Variants in PRKAR2A observed in about 807,000 individuals in gnomAD.
PRKAR2A encodes the protein protein kinase cAMP-dependent type II regulatory subunit alpha, also known as cAMP-dependent protein kinase type II-alpha regulatory subunit.
A neutral mutation model predicts 51.9 loss-of-function variants in PRKAR2A; 29 were observed. The observed-to-expected ratio is 0.56, with a 90% CI of 0.42 to 0.76. The LOEUF (loss-of-function observed/expected upper bound fraction) is 0.76. PRKAR2A is among the 30% of genes least tolerant of loss of function. The pLI is 0.00. For missense variants in PRKAR2A, 445 were observed against 512.1 expected, an observed-to-expected ratio of 0.87 and a Z score of 1.26; for synonymous variants, 178 against 186.2, an observed-to-expected ratio of 0.96 and a Z score of 0.36.
intron 2 of PRKAR2A, among the ~76,000 whole-genome samples, chr3:48,805,935 A>AC (rs1201465636): frequency 6.6e-6 from 1 of 152,170 alleles, no homozygotes; most frequent in African/African-American, 2.4e-5. Flanking sequence ...ACAAACTAAC[A>AC]CCAACTGTGA....
chr3:48,805,598 G>C (rs2082666633), intron 2 of PRKAR2A, among the ~76,000 whole-genome samples: 1 of 152,010 alleles, frequency 6.6e-6, no homozygotes, highest in South Asian at 2.1e-4. Flanking sequence ...TGTAAATTGG[G>C]GATAATCATG....
chr3:48,802,870 T>G (rs1052615563), intron 2 of PRKAR2A, among the ~76,000 whole-genome samples: 1 of 152,112 alleles, frequency 6.6e-6, no homozygotes, highest in Non-Finnish European at 1.5e-5. Context: ...AAGAATTGAG[T>G]TAAAAGATCA....
chr3:48,769,102 AAAC>A (rs1205157858), intron 6 of PRKAR2A, among the ~76,000 whole-genome samples: 34 of 151,882 alleles, frequency 2.2e-4, no homozygotes, highest in Admixed American at 1.1e-3. Context: ...TCCATCTCAA[AAAC>A]AACAACAACA....
chr3:48,803,469 G>A (rs1241537190), intron 2 of PRKAR2A, among the ~76,000 whole-genome samples: 1 of 152,150 alleles, frequency 6.6e-6, no homozygotes, highest in Admixed American at 6.5e-5. Flanking sequence ...TTGTCACCCA[G>A]GCTGGAGTGC....
chr3:48,804,769 TGGA>T (rs2082647954), intron 2 of PRKAR2A, among the ~76,000 whole-genome samples: 1 of 152,058 alleles, frequency 6.6e-6, no homozygotes, highest in African/African-American at 2.4e-5. Flanking sequence ...ACAAGATCCT[TGGA>T]GGAGAGGAGG....
intron 2 of PRKAR2A, among the ~76,000 whole-genome samples, chr3:48,798,489 T>C (rs2082533577): frequency 6.6e-6 from 1 of 152,142 alleles, no homozygotes; most frequent in Non-Finnish European, 1.5e-5. Context: ...GCTTCAGAAA[T>C]ATTCTCATAT....
Position 48,827,130 on chromosome 3 carries a change from A to G in PRKAR2A, c.263-19446T>C, listed in dbSNP as rs143072628. On this transcript the variant is annotated intron_variant, in intron 1 of 10. Transcript: ENST00000265563. ...AATTCTCTGATGATGGCTACAAAAA[A>G]AGCCCTGGAGTACCGCCAACAACAT... is the stretch of plus-strand genomic sequence containing the variant. Among the ~76,000 whole-genome samples, 791 of 152,218 alleles carry G rather than the reference A, an allele frequency of 5.2e-3. 10 individuals are homozygous for G. The highest frequency in any genetic ancestry group is 0.018 in the African/African-American group (754 of 41,524).
At chr3:48,787,536 T>C (rs906204946) in intron 4 of PRKAR2A, among the ~76,000 whole-genome samples, 1 of 152,168 alleles carries the variant, frequency 6.6e-6, no homozygotes, top group African/African-American at 2.4e-5. Flanking sequence ...CTAAGAAAAC[T>C]GTTAGATTGA....
At chr3:48,763,714 C>T (rs993514054) in intron 8 of PRKAR2A, among the ~76,000 whole-genome samples, 3 of 152,150 alleles carry the variant, frequency 2.0e-5, no homozygotes, top group Non-Finnish European at 4.4e-5. Context: ...TTAAGCCCAT[C>T]TCAAATGGCA....
chr3:48,841,720 C>T (rs75411336), intron 1 of PRKAR2A, among the ~76,000 whole-genome samples: 4,836 of 152,156 alleles, frequency 0.032, 108 homozygotes, highest in Non-Finnish European at 0.053. Flanking sequence ...AACATCTCCA[C>T]ATCTTGGCTA....
intron 1 of PRKAR2A, among the ~76,000 whole-genome samples, chr3:48,836,889 T>C (rs1405037353): frequency 1.3e-5 from 2 of 152,024 alleles, no homozygotes; most frequent in Admixed American, 6.6e-5. Flanking sequence ...CCCAGCACTT[T>C]GGGAGATGAG....
At chr3:48,816,207 C>T (rs1048330308) in intron 1 of PRKAR2A, among the ~76,000 whole-genome samples, 1 of 152,078 alleles carries the variant, frequency 6.6e-6, no homozygotes, top group Non-Finnish European at 1.5e-5. Context: ...TTCTTCCAGG[C>T]AGTTCCTATA....
At chr3:48,793,148 C>G (rs1029722738) in intron 3 of PRKAR2A, among the ~76,000 whole-genome samples, 2 of 151,880 alleles carry the variant, frequency 1.3e-5, no homozygotes, top group Non-Finnish European at 2.9e-5. Flanking sequence ...ACGAAATGCT[C>G]TATAAAATAC....
chr3:48,823,844 T>A (rs2083012015), intron 1 of PRKAR2A, among the ~76,000 whole-genome samples: 1 of 148,758 alleles, frequency 6.7e-6, no homozygotes, highest in South Asian at 2.1e-4. Context: ...ACTACGGAAG[T>A]CTACTAGGAC....
At chr3:48,793,461 T>G (rs1317706828) in intron 3 of PRKAR2A, among the ~76,000 whole-genome samples, 1 of 152,136 alleles carries the variant, frequency 6.6e-6, no homozygotes, top group Admixed American at 6.6e-5. Context: ...TTAACAGAAA[T>G]GAGGTCTAAC....
At chr3:48,806,591 A>G (rs1054507086) in intron 2 of PRKAR2A, among the ~76,000 whole-genome samples, 1 of 152,118 alleles carries the variant, frequency 6.6e-6, no homozygotes, top group South Asian at 2.1e-4. Context: ...ACTCAATTAA[A>G]AAAATAGCAT....
chr3:48,847,209 G>C lies in PRKAR2A; in HGVS notation c.262+126C>G. On this transcript the variant is annotated intron_variant, in intron 1 of 10. Coordinates refer to ENST00000265563, the MANE Select transcript of PRKAR2A (RefSeq NM_004157.4). The surrounding 1 kb of genome is among the most constrained non-coding windows in gnomAD (Gnocchi z 4.4). Reference sequence around the variant, plus strand: ...TGTCTCAGGGAAACGCTAGAAACGCGGCTACAGAGCTCCCAATCCCAGCCT... The same window carrying C: ...TGTCTCAGGGAAACGCTAGAAACGCCGCTACAGAGCTCCCAATCCCAGCCT... 1 of 1,222,538 alleles carries C rather than the reference G, an allele frequency of 8.2e-7. No homozygotes were observed. The highest frequency in any genetic ancestry group is 2.8e-5 in the East Asian group (1 of 35,814). 75.7% of individuals were successfully genotyped at this position (1,222,538 alleles called of 1,614,324 possible).
rs746678973 is a variant in PRKAR2A at position 48,752,282 on chromosome 3, G to A, written c.975C>T (p.Val325=). 3.1e-6 allele frequency: 5 copies of A among 1,614,030 alleles called. No homozygotes were observed. Among genetic ancestry groups the A allele is most frequent in the South Asian group, 1.1e-5 (1 of 91,070 alleles). ...KSNKDGGNQE[V]EIARCHKGQY... ...GCCCCTTATGGCAGCGGGCAATCTC[G>A]ACCTCCTGGTTCCCACCATCCTTGT... is the stretch of plus-strand genomic sequence containing the variant. Residue 325 remains valine, a synonymous_variant, in exon 10 of 11, where the codon GTC becomes GTT. Transcript: ENST00000265563.
intron 6 of PRKAR2A, among the ~76,000 whole-genome samples, chr3:48,767,343 G>T (rs2081955968): frequency 6.6e-6 from 1 of 151,954 alleles, no homozygotes; most frequent in South Asian, 2.1e-4. Flanking sequence ...GCCAGGCATG[G>T]TGGTGGGCGC....
Sources: allele counts gnomAD v4.1 joint callset (sites outside exome capture counted in the v4.1 genomes callset), GRCh38; gene constraint gnomAD v4.1.1; non-coding constraint Gnocchi (gnomAD v3.1); transcripts MANE v1.5; gene names NCBI Gene and HGNC (gene_info 2026-07-23, HGNC 2026-07-21).